RBMS3: variants seen among roughly 807,000 people sequenced by gnomAD.
RBMS3 encodes RNA-binding motif, single-stranded-interacting protein 3.
Under a neutral mutation model 66.8 loss-of-function variants are expected in RBMS3, and 27 were observed. That is an observed-to-expected ratio of 0.40 (90% CI 0.30 to 0.56). The LOEUF (loss-of-function observed/expected upper bound fraction) is 0.56. Among genes scored for constraint, RBMS3 ranks in the 20% least tolerant of loss-of-function variants. The probability of loss-of-function intolerance (pLI) is 0.40; values close to 1 mark genes in which losing one functional copy is unlikely to be tolerated. For synonymous variants in RBMS3, 188 were observed against 183.0 expected, an observed-to-expected ratio of 1.03 and a Z score of -0.22; for missense variants, 513 against 549.5, an observed-to-expected ratio of 0.93 and a Z score of 0.66.
At position 29,880,706 on chromosome 3, in the gene RBMS3, G is replaced by C. The variant is rs2059716245; in HGVS notation, c.745-3456G>C. Reference sequence around the variant, plus strand: ...TCAAACAACCCTTTGCTTAACCCATGCCATGTTGTTACCCACAATGTTCCA... The same window carrying C: ...TCAAACAACCCTTTGCTTAACCCATCCCATGTTGTTACCCACAATGTTCCA... On this transcript the variant is annotated intron_variant, in intron 7 of 14. Coordinates refer to ENST00000383767, the MANE Select transcript of RBMS3 (RefSeq NM_001003793.3). 11 of 1,377,278 alleles carry C rather than the reference G, an allele frequency of 8.0e-6. 1 individual carries two copies. The South Asian group carries it at 1.4e-4, about 17-fold the overall frequency. The allele number at this position is 1,377,278 out of a possible 1,614,324, so 85.3% of individuals were successfully genotyped here.
chr3:29,614,520 T>C (rs915737168), intron 4 of RBMS3: 1 of 152,134 alleles, frequency 6.6e-6, no homozygotes, highest in African/African-American at 2.4e-5. Context: ...TAATTAGCTT[T>C]GTTTAGCCAT....
At chr3:29,995,855 T>A (rs1184538005) in intron 14 of RBMS3, among the ~76,000 whole-genome samples, 3 of 152,108 alleles carry the variant, frequency 2.0e-5, no homozygotes, top group African/African-American at 4.8e-5. Context: ...AGAAACTGCA[T>A]CAACTAATGA....
chr3:29,441,400 G>A (rs1232901625), intron 2 of RBMS3, among the ~76,000 whole-genome samples: 1 of 152,140 alleles, frequency 6.6e-6, no homozygotes, highest in Non-Finnish European at 1.5e-5. Flanking sequence ...CACAGTTATT[G>A]TATATTACAT....
rs1699739474 is a variant in RBMS3, at chr3:30,004,324, T to C, written c.*462T>C. The C allele has an allele frequency of 6.6e-6, 1 of 152,388 alleles. No individual in the cohort carries two copies. The highest frequency in any genetic ancestry group is 1.5e-5 in the Non-Finnish European group (1 of 67,990). The allele number at this position is 152,388 out of a possible 1,614,324, so 9.4% of individuals were successfully genotyped here. A position where few individuals can be genotyped will look rare whatever the true frequency, so the allele number is the denominator to read the frequency against. On this transcript the variant is annotated 3_prime_UTR_variant, in exon 15 of 15. Transcript: ENST00000383767. ...CTCTTTTTCCCTTCTTGTTTTAATCTAGTGGGTTTTTTATTTTATTTTTTC... is the reference window on the plus strand; with the variant it reads ...CTCTTTTTCCCTTCTTGTTTTAATCCAGTGGGTTTTTTATTTTATTTTTTC...
chr3:29,753,859 T>A (rs2055291077), intron 5 of RBMS3, among the ~76,000 whole-genome samples: 1 of 152,196 alleles, frequency 6.6e-6, no homozygotes, highest in African/African-American at 2.4e-5. Flanking sequence ...TTTTAAAGAT[T>A]ACAAATTTTT....
chr3:29,793,901 A>G (rs947436623), intron 6 of RBMS3, among the ~76,000 whole-genome samples: 6 of 152,216 alleles, frequency 3.9e-5, no homozygotes, highest in African/African-American at 1.4e-4. Context: ...TGGCTCTCTC[A>G]TGAATCGCTT....
At chr3:29,994,221 C>T (rs563471028) in intron 14 of RBMS3, among the ~76,000 whole-genome samples, 34 of 152,312 alleles carry the variant, frequency 2.2e-4, no homozygotes, top group African/African-American at 3.6e-4. Flanking sequence ...ACTTTTCCCA[C>T]GGGCTTAAAA....
At chr3:29,955,311 G>A (rs546958065) in intron 12 of RBMS3, among the ~76,000 whole-genome samples, 94 of 152,052 alleles carry the variant, frequency 6.2e-4, no homozygotes, top group South Asian at 3.1e-3. Context: ...ATCCAATGCC[G>A]ATTTCAGCTG....
At chr3:29,946,842 T>C (rs1049934290) in intron 12 of RBMS3, among the ~76,000 whole-genome samples, 1 of 151,582 alleles carries the variant, frequency 6.6e-6, no homozygotes, top group African/African-American at 2.4e-5. Flanking sequence ...CTATGGACTA[T>C]GTATTTGTGT....
intron 1 of RBMS3, among the ~76,000 whole-genome samples, chr3:29,304,263 T>A (rs1407496830): frequency 6.6e-6 from 1 of 152,040 alleles, no homozygotes; most frequent in Non-Finnish European, 1.5e-5. Context: ...GGACTAGGGA[T>A]AACGTATGCA....
At chr3:29,473,548 A>T (rs2042828140) in intron 2 of RBMS3, among the ~76,000 whole-genome samples, 1 of 152,174 alleles carries the variant, frequency 6.6e-6, no homozygotes, top group South Asian at 2.1e-4. Flanking sequence ...GGCGCCGTGG[A>T]ACCAGGGGTG....
intron 3 of RBMS3, among the ~76,000 whole-genome samples, chr3:29,561,769 G>T (rs1180591300): frequency 6.6e-6 from 1 of 152,046 alleles, no homozygotes; most frequent in Non-Finnish European, 1.5e-5. Context: ...TTTAATAGTA[G>T]ATATTCTGAC....
Position 29,764,275 on chromosome 3 carries a change from G to A in RBMS3, c.637+1286G>A, listed in dbSNP as rs549931980. ...AGCTTCCATGTGTAACGTTCCCTTGGGAACTGACTGCATTATGATCCAATT... is the reference window on the plus strand; with the variant it reads ...AGCTTCCATGTGTAACGTTCCCTTGAGAACTGACTGCATTATGATCCAATT... On this transcript the variant is annotated intron_variant, in intron 6 of 14. Coordinates refer to ENST00000383767, the MANE Select transcript of RBMS3 (RefSeq NM_001003793.3). Among the ~76,000 whole-genome samples the A allele has an allele frequency of 2.6e-5, 4 of 152,092 alleles. No homozygotes were observed. The South Asian group carries it at 6.2e-4, about 24-fold the overall frequency.
In RBMS3 at chr3:29,760,018, G is replaced by A. The variant is rs187512535; in HGVS notation, c.558-2892G>A. 1.4e-3 allele frequency among the ~76,000 whole-genome samples: 218 copies of A among 152,176 alleles called. 2 individuals are homozygous for A. The highest frequency in any genetic ancestry group is 5.0e-3 in the African/African-American group (206 of 41,520). On this transcript the variant is annotated intron_variant, in intron 5 of 14. Transcript: ENST00000383767. The stretch of plus-strand genomic sequence containing the variant: ...GACATTCACTTAGTTAAATCTGAAT[G>A]AACCCAAAGTGAACAATCTACTCTG...
chr3:29,284,862 CT>C lies in RBMS3; in HGVS notation c.75+3127del, dbSNP rs773078453. On this transcript the variant is annotated intron_variant, in intron 1 of 14. Coordinates refer to ENST00000383767, the MANE Select transcript of RBMS3 (RefSeq NM_001003793.3). ...TCAATTTTCTTTTTGATGAATTTTT[CT>C]TTTTTTTTTTTTTTTTTTTTACCAA... Among the ~76,000 whole-genome samples, 114 of 112,776 alleles carry C rather than the reference CT, an allele frequency of 1.0e-3. No individual in the cohort carries two copies. In the East Asian group the frequency reaches 0.016, roughly 16 times the overall value. 74.0% of individuals were successfully genotyped at this position (112,776 alleles called of 152,430 possible).
At chr3:29,433,522 A>G (rs1416703493) in intron 1 of RBMS3, among the ~76,000 whole-genome samples, 3 of 152,112 alleles carry the variant, frequency 2.0e-5, no homozygotes, top group Non-Finnish European at 4.4e-5. Context: ...TCTAGGAACC[A>G]TTTTGTTTGC....
At chr3:29,677,016 A>G (rs2149254868) in intron 4 of RBMS3, among the ~76,000 whole-genome samples, 1 of 152,246 alleles carries the variant, frequency 6.6e-6, no homozygotes, top group Non-Finnish European at 1.5e-5. Flanking sequence ...GCTTTTACTC[A>G]TGGTAGAAGG....
intron 8 of RBMS3, among the ~76,000 whole-genome samples, chr3:29,895,323 C>T (rs2060100643): frequency 6.6e-6 from 1 of 151,382 alleles, no homozygotes; most frequent in Non-Finnish European, 1.5e-5. Context: ...CTTTAGTGTA[C>T]AGTTCTATGA....
intron 4 of RBMS3, among the ~76,000 whole-genome samples, chr3:29,704,793 T>A (rs920854434): frequency 2.6e-5 from 4 of 152,248 alleles, no homozygotes; most frequent in Non-Finnish European, 5.9e-5. Flanking sequence ...GAATGCAGAT[T>A]TTTTTGACAG....
Sources: gnomAD v4.1 joint callset for allele counts (sites outside exome capture counted in the v4.1 genomes callset) on GRCh38, gnomAD v4.1.1 for gene constraint, MANE v1.5 for transcripts, NCBI Gene and HGNC (gene_info 2026-07-23, HGNC 2026-07-21) for gene names.